Variants in XKR4 observed in about 807,000 individuals in gnomAD.
XKR4 encodes XK related 4, also known as XK-related protein 4.
Under a neutral mutation model 53.9 loss-of-function variants are expected in XKR4, and 12 were observed. The observed-to-expected ratio is 0.22, with a 90% CI of 0.14 to 0.36. The LOEUF (loss-of-function observed/expected upper bound fraction) is 0.36, where lower values mean the gene tolerates loss of function less well. Among genes scored for constraint, XKR4 ranks in the 10% least tolerant of loss-of-function variants. The pLI is 1.00. For synonymous variants in XKR4, 354 were observed against 362.4 expected (o/e 0.98, Z 0.26); for missense variants, 799 against 859.5 (o/e 0.93, Z 0.88).
intron 1 of XKR4, among the ~76,000 whole-genome samples, chr8:55,240,130 C>T (rs1375003547): frequency 6.6e-6 from 1 of 152,182 alleles, no homozygotes; most frequent in East Asian, 1.9e-4. Flanking sequence ...GTGCCTGAAA[C>T]ATAGTTGATG....
At chr8:55,196,904 A>G (rs557617582) in intron 1 of XKR4, among the ~76,000 whole-genome samples, 8 of 152,152 alleles carry the variant, frequency 5.3e-5, no homozygotes, top group Non-Finnish European at 1.0e-4. Context: ...GATTGGACGG[A>G]CGCTAGAAGA....
At chr8:55,433,685 G>A (rs997007203) in intron 2 of XKR4, among the ~76,000 whole-genome samples, 1 of 152,184 alleles carries the variant, frequency 6.6e-6, no homozygotes, top group African/African-American at 2.4e-5. Context: ...TAATTGTCTT[G>A]TTATGTACGA....
chr8:55,426,857 A>T (rs773141246), intron 2 of XKR4, among the ~76,000 whole-genome samples: 27 of 152,374 alleles, frequency 1.8e-4, no homozygotes, highest in Non-Finnish European at 3.7e-4. Flanking sequence ...TATAGGCAAC[A>T]GAATAGTGTT....
intron 1 of XKR4, among the ~76,000 whole-genome samples, chr8:55,149,366 A>G (rs930686400): frequency 3.3e-5 from 5 of 152,134 alleles, no homozygotes; most frequent in Non-Finnish European, 7.3e-5. Context: ...TTACGCTGTG[A>G]CGTAGGAGAA....
rs747388980 is a variant in XKR4, at chr8:55,103,229, C to A, written c.741C>A (p.Ser247=). Residue 247 remains serine, a synonymous_variant, in exon 1 of 3, where the codon TCC becomes TCA. Coordinates refer to ENST00000327381, the MANE Select transcript of XKR4 (RefSeq NM_052898.2). ...CCAGTGGCAAGCACAGGTCTGCGTC[C>A]TGCTCCTTCTGCATCTGGCTCCTGC... ...TRASGKHRSA[S]CSFCIWLLQS... is the part of the protein sequence containing the mutation. 6.2e-7 allele frequency: 1 copy of A among 1,613,980 alleles called. No individual in the cohort carries two copies. The highest frequency in any genetic ancestry group is 8.5e-7 in the Non-Finnish European group (1 of 1,179,926).
At chr8:55,180,346 A>G (rs2129359622) in intron 1 of XKR4, among the ~76,000 whole-genome samples, 1 of 152,314 alleles carries the variant, frequency 6.6e-6, no homozygotes, top group South Asian at 2.1e-4. Flanking sequence ...CGTCAAGGAA[A>G]ATGAATATGC....
At chr8:55,382,848 G>A (rs1194094554) in intron 2 of XKR4, among the ~76,000 whole-genome samples, 2 of 152,098 alleles carry the variant, frequency 1.3e-5, no homozygotes, top group African/African-American at 2.4e-5. Context: ...TGAATTACAG[G>A]GAGAGTCCAA....
chr8:55,201,471 A>G (rs886106730), intron 1 of XKR4, among the ~76,000 whole-genome samples: 2 of 152,204 alleles, frequency 1.3e-5, no homozygotes, highest in Admixed American at 6.5e-5. Context: ...AAAATTTGTC[A>G]TTTTTCTCGT....
At position 55,167,789 on chromosome 8, in the gene XKR4, A is replaced by G. The variant is rs377251004; in HGVS notation, c.806+64495A>G. On this transcript the variant is annotated intron_variant, in intron 1 of 2. Coordinates refer to ENST00000327381, the MANE Select transcript of XKR4 (RefSeq NM_052898.2). ...GGTAATGAACACTGATTGAAAAGAA[A>G]AGAGGTGCAATGATTGAGCTTGGGG... Among the ~76,000 whole-genome samples the G allele has an allele frequency of 4.8e-4, 73 of 152,328 alleles. 1 individual carries two copies. The highest frequency in any genetic ancestry group is 1.7e-3 in the African/African-American group (69 of 41,574).
At chr8:55,257,279 G>T (rs1334710804) in intron 1 of XKR4, among the ~76,000 whole-genome samples, 1 of 152,090 alleles carries the variant, frequency 6.6e-6, no homozygotes, top group Admixed American at 6.6e-5. Context: ...TGAAATAAAG[G>T]ACAGGGCATC....
rs1055544211 is a variant in XKR4, at chr8:55,525,968, G to C, written c.*1741G>C. 2 of 152,548 alleles carry C rather than the reference G, an allele frequency of 1.3e-5. No homozygotes were observed. Among genetic ancestry groups the C allele is most frequent in the Non-Finnish European group, 2.9e-5 (2 of 68,012 alleles). The allele number at this position is 152,548 out of a possible 1,614,324, so 9.4% of individuals were successfully genotyped here. ...GCTATCAGAATATCAGGTGAAGAGA[G>C]AATCAGCTTAAATAGAAAGGGCTTG... On this transcript the variant is annotated 3_prime_UTR_variant, in exon 3 of 3. Transcript: ENST00000327381.
chr8:55,163,998 T>C (rs1817026437), intron 1 of XKR4: 2 of 316,804 alleles, frequency 6.3e-6, no homozygotes, highest in Non-Finnish European at 1.3e-5. Context: ...TATGCTAGCA[T>C]GGAAGCAGAA....
rs530410089 is a variant in XKR4, at chr8:55,356,366, T to C, written c.807-1312T>C. ...TTGCAGAAAACACAAAGGATAGATA[T>C]GTTAACCACACCATGCAAATACAAT... On this transcript the variant is annotated intron_variant, in intron 1 of 2. Coordinates refer to ENST00000327381, the MANE Select transcript of XKR4 (RefSeq NM_052898.2). Among the ~76,000 whole-genome samples, 12 of 152,286 alleles carry C rather than the reference T, an allele frequency of 7.9e-5. No individual in the cohort carries two copies. In the South Asian group the frequency reaches 2.5e-3, roughly 32 times the overall value.
chr8:55,194,453 C>T (rs1230502477), intron 1 of XKR4, among the ~76,000 whole-genome samples: 1 of 152,134 alleles, frequency 6.6e-6, no homozygotes, highest in African/African-American at 2.4e-5. Flanking sequence ...ACCACGATTG[C>T]AGGACATTAT....
intron 2 of XKR4, among the ~76,000 whole-genome samples, chr8:55,507,373 T>A (rs1806552215): frequency 6.6e-6 from 1 of 152,094 alleles, no homozygotes; most frequent in Non-Finnish European, 1.5e-5. Flanking sequence ...TATTATACTT[T>A]AAGTTTTAGG....
At chr8:55,217,590 A>C (rs1025254611) in intron 1 of XKR4, among the ~76,000 whole-genome samples, 5 of 152,230 alleles carry the variant, frequency 3.3e-5, no homozygotes, top group Non-Finnish European at 7.3e-5. Flanking sequence ...TCTTGCACTG[A>C]TGTGGTATAT....
Position 55,289,646 on chromosome 8 carries a change from A to AAAGAAAGAAAGG in XKR4, c.807-68029_807-68028insAAAGAAAGGAAG, listed in dbSNP as rs1221597017. Among the ~76,000 whole-genome samples, 367 of 86,872 alleles carry AAAGAAAGAAAGG rather than the reference A, an allele frequency of 4.2e-3. 9 individuals are homozygous for AAAGAAAGAAAGG. Among genetic ancestry groups the AAAGAAAGAAAGG allele is most frequent in the African/African-American group, 0.014 (245 of 17,710 alleles). 57.0% of individuals were successfully genotyped at this position (86,872 alleles called of 152,430 possible). On this transcript the variant is annotated intron_variant, in intron 1 of 2. Transcript: ENST00000327381. Reference sequence around the variant, plus strand: ...GAAAGAAAGAAAGAAAGAAAGAAAGAAAGGAAGGAAGGAAAAGAAAAGAAA... The same window carrying AAAGAAAGAAAGG: ...GAAAGAAAGAAAGAAAGAAAGAAAGAAAGAAAGAAAGGAAGGAAGGAAGGAAAAGAAAAGAAA...
At chr8:55,334,068 A>G (rs950124069) in intron 1 of XKR4, among the ~76,000 whole-genome samples, 6 of 152,296 alleles carry the variant, frequency 3.9e-5, no homozygotes, top group Admixed American at 3.9e-4. Flanking sequence ...TGACATCACT[A>G]TACAATTTTA....
In XKR4 at chr8:55,275,078, C is replaced by T. The variant is rs537396739; in HGVS notation, c.807-82600C>T. Among the ~76,000 whole-genome samples the T allele has an allele frequency of 1.1e-4, 16 of 152,024 alleles. 1 individual carries two copies. In the South Asian group the frequency reaches 3.1e-3, roughly 30 times the overall value. On this transcript the variant is annotated intron_variant, in intron 1 of 2. Coordinates refer to ENST00000327381, the MANE Select transcript of XKR4 (RefSeq NM_052898.2). ...TTTATGTATTTTGCAGAAGATTATT[C>T]CTAAAAAATGAAACATCTGTACAAA... is the stretch of plus-strand genomic sequence containing the variant.
Sources: gnomAD v4.1 joint callset for allele counts (sites outside exome capture counted in the v4.1 genomes callset) on GRCh38, gnomAD v4.1.1 for gene constraint, MANE v1.5 for transcripts, NCBI Gene and HGNC (gene_info 2026-07-23, HGNC 2026-07-21) for gene names.